NPAS3: variants seen among roughly 807,000 people sequenced by gnomAD.
NPAS3 encodes the protein neuronal PAS domain-containing protein 3.
In NPAS3, 14 loss-of-function variants were observed where a neutral mutation model predicts 73.1. That is an observed-to-expected ratio of 0.19 (90% CI 0.13 to 0.30). NPAS3 has a LOEUF of 0.30. NPAS3 is among the 10% of genes least tolerant of loss of function. The pLI, the probability that NPAS3 is intolerant of heterozygous loss-of-function variation, is 1.00. For synonymous variants in NPAS3, 620 were observed against 541.5 expected (o/e 1.14, Z -2.01); for missense variants, 1,096 against 1,250.0 (o/e 0.88, Z 1.86).
rs72676797 is a variant in NPAS3 at position 33,170,026 on chromosome 14, C to T, written c.141-45156C>T. Among the ~76,000 whole-genome samples the T allele has an allele frequency of 5.6e-3, 855 of 152,170 alleles. 1 individual carries two copies. Among genetic ancestry groups the T allele is most frequent in the Non-Finnish European group, 7.9e-3 (536 of 67,992 alleles). On this transcript the variant is annotated intron_variant, in intron 2 of 11. Transcript: ENST00000356141. ...TCGTTACAAAAATTGGAAAGTCATG[C>T]TTTATGGAATCTTTGCTGGGCAGAG...
chr14:33,233,946 A>G (rs944336247), intron 3 of NPAS3, among the ~76,000 whole-genome samples: 1 of 152,268 alleles, frequency 6.6e-6, no homozygotes, highest in Middle Eastern at 3.4e-3. Flanking sequence ...TTTTCTTTGA[A>G]ATGTGCATTC....
At chr14:33,504,370 C>T (rs187919845) in intron 4 of NPAS3, among the ~76,000 whole-genome samples, 7 of 151,954 alleles carry the variant, frequency 4.6e-5, no homozygotes, top group East Asian at 3.9e-4. Flanking sequence ...ATATGTAATG[C>T]GTTTACAAAA....
chr14:33,037,171 C>T (rs978539735), intron 1 of NPAS3, among the ~76,000 whole-genome samples: 16 of 152,116 alleles, frequency 1.1e-4, no homozygotes, highest in South Asian at 4.1e-4. Context: ...GAACTAGCTA[C>T]TTTAATTAGG....
chr14:33,576,539 T>C lies in NPAS3; in HGVS notation c.558+16329T>C, dbSNP rs549028577. On this transcript the variant is annotated intron_variant, in intron 5 of 11. Transcript: ENST00000356141. Reference sequence around the variant, plus strand: ...TACTACCCTGAATCATTTAAAAAGCTACTGCTTGGTGGCAGTGTGAAATAA... The same window carrying C: ...TACTACCCTGAATCATTTAAAAAGCCACTGCTTGGTGGCAGTGTGAAATAA... 1.1e-4 allele frequency among the ~76,000 whole-genome samples: 16 copies of C among 152,338 alleles called. No individual in the cohort carries two copies. In the East Asian group the frequency reaches 1.4e-3, roughly 13 times the overall value.
intron 6 of NPAS3, among the ~76,000 whole-genome samples, chr14:33,725,425 G>A (rs1279083036): frequency 6.6e-6 from 1 of 151,828 alleles, no homozygotes; most frequent in Non-Finnish European, 1.5e-5. Context: ...GACACATTGG[G>A]GTTACTAGTG....
chr14:33,342,047 C>A (rs10135876), intron 3 of NPAS3, among the ~76,000 whole-genome samples: 1 of 151,958 alleles, frequency 6.6e-6, no homozygotes, highest in African/African-American at 2.4e-5. Flanking sequence ...TGGTCTAATC[C>A]CCAACCTTTT....
intron 2 of NPAS3, among the ~76,000 whole-genome samples, chr14:33,125,219 G>T (rs897042767): frequency 6.6e-6 from 1 of 151,940 alleles, no homozygotes; most frequent in African/African-American, 2.4e-5. Context: ...GATTAATGAA[G>T]GAATTAAGTT....
intron 1 of NPAS3, among the ~76,000 whole-genome samples, chr14:33,015,996 A>G (rs1175421458): frequency 6.6e-6 from 1 of 152,208 alleles, no homozygotes; most frequent in Non-Finnish European, 1.5e-5. Context: ...TAATGTTTTA[A>G]TTGTTGGGAT....
chr14:33,726,200 A>G (rs1477507172), intron 6 of NPAS3, among the ~76,000 whole-genome samples: 1 of 152,124 alleles, frequency 6.6e-6, no homozygotes. Flanking sequence ...CCACTTTTTG[A>G]CTGAAGCTGC....
chr14:33,138,472 T>C (rs1445482357), intron 2 of NPAS3, among the ~76,000 whole-genome samples: 6 of 152,242 alleles, frequency 3.9e-5, no homozygotes, highest in Non-Finnish European at 8.8e-5. Context: ...TTAGAAAACA[T>C]ACTTGAAAAG....
intron 1 of NPAS3, among the ~76,000 whole-genome samples, chr14:33,010,938 CA>C (rs77196350): frequency 0.16 from 19,652 of 120,114 alleles, 1,280 homozygotes; most frequent in African/African-American, 0.26. Flanking sequence ...GAACCTGTCT[CA>C]AAAAAAAAAA....
intron 3 of NPAS3, among the ~76,000 whole-genome samples, chr14:33,332,220 C>T (rs1467791068): frequency 6.6e-6 from 1 of 152,148 alleles, no homozygotes; most frequent in Non-Finnish European, 1.5e-5. Context: ...CACTAAATTT[C>T]TTAGTGTGGT....
intron 3 of NPAS3, among the ~76,000 whole-genome samples, chr14:33,337,361 T>C (rs965897193): frequency 2.6e-5 from 4 of 152,100 alleles, no homozygotes; most frequent in African/African-American, 9.7e-5. Context: ...CTTTTTTCTA[T>C]TGAGTAGCCT....
chr14:33,756,632 C>T (rs1282141262), intron 7 of NPAS3, among the ~76,000 whole-genome samples: 1 of 152,214 alleles, frequency 6.6e-6, no homozygotes, highest in Non-Finnish European at 1.5e-5. Context: ...CTAATATGTG[C>T]TCTACCTACC....
At chr14:33,300,369 T>G (rs768782055) in intron 3 of NPAS3, among the ~76,000 whole-genome samples, 3 of 152,226 alleles carry the variant, frequency 2.0e-5, no homozygotes, top group Non-Finnish European at 4.4e-5. Flanking sequence ...CAAATAATAT[T>G]GGCTTAACTA....
chr14:33,205,259 T>G (rs944540243), intron 2 of NPAS3, among the ~76,000 whole-genome samples: 6 of 152,204 alleles, frequency 3.9e-5, no homozygotes, highest in Non-Finnish European at 5.9e-5. Flanking sequence ...CATATTGTAT[T>G]TTCTAAGCCA....
intron 1 of NPAS3, among the ~76,000 whole-genome samples, chr14:33,003,165 T>C (rs1380381560): frequency 6.6e-6 from 1 of 152,022 alleles, no homozygotes; most frequent in Non-Finnish European, 1.5e-5. Context: ...CCTTTCACCC[T>C]TTAACTGCAT....
At chr14:33,069,887 G>A (rs928187942) in intron 2 of NPAS3, among the ~76,000 whole-genome samples, 7 of 152,136 alleles carry the variant, frequency 4.6e-5, no homozygotes, top group Admixed American at 3.9e-4. Flanking sequence ...AGTAAGCCTT[G>A]TTCTCTAGTT....
At chr14:33,788,269 A>C (rs1416604789) in intron 9 of NPAS3, among the ~76,000 whole-genome samples, 11 of 152,198 alleles carry the variant, frequency 7.2e-5, no homozygotes, top group African/African-American at 2.4e-4. Flanking sequence ...CTCCGCGGCC[A>C]CTGACGAAGG....
Sources: allele counts gnomAD v4.1 joint callset (sites outside exome capture counted in the v4.1 genomes callset), GRCh38; gene constraint gnomAD v4.1.1; transcripts MANE v1.5; gene names NCBI Gene and HGNC (gene_info 2026-07-23, HGNC 2026-07-21).